Variants in ITFG1 observed in about 807,000 individuals in gnomAD.
ITFG1 encodes integrin alpha FG-GAP repeat containing 1, also known as T-cell immunomodulatory protein.
ITFG1 carries 34 observed loss-of-function variants against 81.8 expected under a neutral mutation model. That is an observed-to-expected ratio of 0.42 (90% CI 0.32 to 0.55). The LOEUF (loss-of-function observed/expected upper bound fraction) is 0.55. Ranked by LOEUF, ITFG1 falls within the 20% of genes least tolerant of loss-of-function variation. The pLI is 0.17. For missense variants in ITFG1, 672 were observed against 755.4 expected (o/e 0.89, Z 1.29); for synonymous variants, 285 against 270.6 (o/e 1.05, Z -0.52).
At chr16:47,159,762 A>G (rs1485639931) in intron 16 of ITFG1, among the ~76,000 whole-genome samples, 1 of 152,128 alleles carries the variant, frequency 6.6e-6, no homozygotes, top group East Asian at 1.9e-4. Flanking sequence ...TAATGGCTAT[A>G]TTTTTATTTT....
chr16:47,157,913 A>G (rs1218713130), intron 17 of ITFG1, among the ~76,000 whole-genome samples: 2 of 152,214 alleles, frequency 1.3e-5, no homozygotes, highest in Non-Finnish European at 2.9e-5. Context: ...ATATATAAAT[A>G]GAAACTAGCT....
intron 15 of ITFG1, 48 bp downstream of exon 15, chr16:47,162,492 G>A: frequency 2.2e-6 from 3 of 1,389,110 alleles, no homozygotes; most frequent in Non-Finnish European, 3.0e-6. Context: ...CTTAAATAGT[G>A]AATATTAAAA....
chr16:47,365,759 CTTTTTTT>C, intron 8 of ITFG1, 22 bp downstream of exon 8: 2 of 1,101,302 alleles, frequency 1.8e-6, no homozygotes, highest in South Asian at 1.4e-5. Flanking sequence ...AGGCAAAAGC[CTTTTTTT>C]TTTTTTTTTA....
intron 8 of ITFG1, among the ~76,000 whole-genome samples, chr16:47,343,370 T>A (rs1274906839): frequency 6.6e-6 from 1 of 152,098 alleles, no homozygotes; most frequent in Non-Finnish European, 1.5e-5. Context: ...GCTAAAATCA[T>A]AAAACCCTTA....
chr16:47,199,596 T>C (rs1965400179), intron 14 of ITFG1, among the ~76,000 whole-genome samples: 1 of 152,166 alleles, frequency 6.6e-6, no homozygotes. Context: ...GGCGTAATAA[T>C]AGGCTATAGC....
intron 14 of ITFG1, among the ~76,000 whole-genome samples, chr16:47,214,804 T>A (rs1361538882): frequency 1.3e-5 from 2 of 151,948 alleles, no homozygotes; most frequent in African/African-American, 2.4e-5. Flanking sequence ...GGCCAGGCCT[T>A]TACTGAATAA....
chr16:47,295,235 T>C (rs1218113514), intron 10 of ITFG1, among the ~76,000 whole-genome samples: 1 of 152,236 alleles, frequency 6.6e-6, no homozygotes, highest in Non-Finnish European at 1.5e-5. Flanking sequence ...TAGTATTATG[T>C]TGAGGATTTT....
intron 5 of ITFG1, among the ~76,000 whole-genome samples, chr16:47,446,380 G>T (rs748286486): frequency 4.6e-5 from 7 of 152,128 alleles, no homozygotes; most frequent in Admixed American, 6.6e-5. Flanking sequence ...TAATGTCTCA[G>T]GTACATAAGA....
chr16:47,262,589 C>G (rs551692212), intron 10 of ITFG1, among the ~76,000 whole-genome samples: 1 of 152,310 alleles, frequency 6.6e-6, no homozygotes, highest in South Asian at 2.1e-4. Context: ...AAAACTACTG[C>G]ACATATTTCA....
At chr16:47,370,336 G>A (rs1254376463) in intron 7 of ITFG1, among the ~76,000 whole-genome samples, 1 of 152,048 alleles carries the variant, frequency 6.6e-6, no homozygotes, top group Non-Finnish European at 1.5e-5. Context: ...CTTTTCCGAG[G>A]CCGCCATGGA....
chr16:47,410,465 C>T (rs1440997798), intron 6 of ITFG1, among the ~76,000 whole-genome samples: 3 of 151,706 alleles, frequency 2.0e-5, no homozygotes, highest in East Asian at 3.9e-4. Flanking sequence ...CTAGACACAG[C>T]CAGGAAGCGC....
chr16:47,167,228 G>A (rs1252004138), intron 14 of ITFG1, among the ~76,000 whole-genome samples: 3 of 152,116 alleles, frequency 2.0e-5, no homozygotes, highest in African/African-American at 7.2e-5. Flanking sequence ...GTTTTCAAGG[G>A]TCATATAAGT....
chr16:47,185,899 T>C (rs928877909), intron 14 of ITFG1, among the ~76,000 whole-genome samples: 2 of 151,944 alleles, frequency 1.3e-5, no homozygotes, highest in African/African-American at 2.4e-5. Flanking sequence ...AAGAATCAAA[T>C]AGATGCAATA....
At chr16:47,426,191 G>C (rs1567496300) in intron 6 of ITFG1, 1 of 152,044 alleles carries the variant, frequency 6.6e-6, no homozygotes, top group Non-Finnish European at 1.5e-5. Flanking sequence ...TGCATGTCTA[G>C]GAAAGACTTA....
intron 13 of ITFG1, among the ~76,000 whole-genome samples, chr16:47,228,860 T>C (rs555737036): frequency 1.4e-4 from 22 of 152,344 alleles, no homozygotes; most frequent in African/African-American, 5.3e-4. Context: ...TGAGCATTAA[T>C]AGGGAATGTT....
chr16:47,402,102 T>C (rs927421555), intron 6 of ITFG1, among the ~76,000 whole-genome samples: 1 of 152,210 alleles, frequency 6.6e-6, no homozygotes, highest in Admixed American at 6.5e-5. Context: ...TGTGCATAAA[T>C]ATCCGGTGAC....
intron 6 of ITFG1, among the ~76,000 whole-genome samples, chr16:47,381,022 T>A (rs1036475001): frequency 6.6e-6 from 1 of 152,188 alleles, no homozygotes; most frequent in African/African-American, 2.4e-5. Context: ...TACAAAAACA[T>A]TAAATGGTTT....
Position 47,258,226 on chromosome 16 carries a change from C to T in ITFG1, c.1330+406G>A, listed in dbSNP as rs538938766. Among the ~76,000 whole-genome samples, 14 of 152,316 alleles carry T rather than the reference C, an allele frequency of 9.2e-5. No homozygotes were observed. In the East Asian group the frequency reaches 2.7e-3, roughly 29 times the overall value. ...CACTGAGAAATGCACAGCATCAATTCTGCAACTCCTTGCAGTGGAATTTCT... is the reference window on the plus strand; with the variant it reads ...CACTGAGAAATGCACAGCATCAATTTTGCAACTCCTTGCAGTGGAATTTCT... On this transcript the variant is annotated intron_variant, in intron 12 of 17. Transcript: ENST00000320640.
intron 5 of ITFG1, among the ~76,000 whole-genome samples, chr16:47,438,710 G>A (rs1278244467): frequency 6.6e-6 from 1 of 152,112 alleles, no homozygotes; most frequent in African/African-American, 2.4e-5. Flanking sequence ...AAGACCAAAG[G>A]TAGATAAAAC....
Sources: allele counts gnomAD v4.1 joint callset (sites outside exome capture counted in the v4.1 genomes callset), GRCh38; gene constraint gnomAD v4.1.1; transcripts MANE v1.5; gene names NCBI Gene and HGNC (gene_info 2026-07-23, HGNC 2026-07-21).